CFAP74: variants seen among roughly 807,000 people sequenced by gnomAD.
CFAP74 encodes cilia- and flagella-associated protein 74.
Under a neutral mutation model 188.9 loss-of-function variants are expected in CFAP74, and 124 were observed. The observed-to-expected ratio is 0.66, with a 90% CI of 0.57 to 0.76. The LOEUF (loss-of-function observed/expected upper bound fraction) is 0.76. CFAP74 is among the 30% of genes least tolerant of loss of function. The pLI is 0.00. For missense variants in CFAP74, 2,198 were observed against 2,165.2 expected, an observed-to-expected ratio of 1.02 and a Z score of -0.30; for synonymous variants, 956 against 916.7, an observed-to-expected ratio of 1.04 and a Z score of -0.77.
chr1:1,929,680 G>C (rs1327718733), intron 26 of CFAP74, among the ~76,000 whole-genome samples: 1 of 151,838 alleles, frequency 6.6e-6, no homozygotes, highest in East Asian at 1.9e-4. Context: ...TGCTGGGTGG[G>C]AGTGGCCGAC....
rs545273927 is a variant in CFAP74, at chr1:1,986,945, C to T, written c.387G>A (p.Ala129=). 1.8e-5 allele frequency: 29 copies of T among 1,601,246 alleles called. No individual in the cohort carries two copies. The East Asian group carries it at 2.2e-4, about 12-fold the overall frequency. ...TGGCGAGGGCCACCTACATGTTGCC[C>T]GCCTCTTCCTCTGTGGCGATCTCGG... ...VAAEIATEEE[A]GNMAAVGRLQ... The change falls in exon 5 of 39, where the codon GCG becomes GCA. Residue 129 remains alanine, a synonymous_variant. Transcript: ENST00000682832.
chr1:1,971,079 A>G (rs1655970382), intron 9 of CFAP74, among the ~76,000 whole-genome samples: 1 of 149,896 alleles, frequency 6.7e-6, no homozygotes, highest in Admixed American at 6.6e-5. Context: ...ACACCTGCAC[A>G]CACTCATACA....
rs904345849 is a variant in CFAP74, at chr1:1,979,947, C to T, written c.500+5439G>A. On this transcript the variant is annotated intron_variant, in intron 6 of 38. Transcript: ENST00000682832. ...AGGCTGCGCAGAACACGCGTGTGAT[C>T]GCTCACGGCCTGCCTCCCACCACCG... is the stretch of plus-strand genomic sequence containing the variant. Among the ~76,000 whole-genome samples, 5 of 150,806 alleles carry T rather than the reference C, an allele frequency of 3.3e-5. 1 individual carries two copies. The highest frequency in any genetic ancestry group is 4.3e-4 in the South Asian group (2 of 4,608).
At position 1,927,595 on chromosome 1, in the gene CFAP74, T is replaced by C. The variant is rs571545650; in HGVS notation, c.3527+12A>G. 6.5e-7 allele frequency: 1 copy of C among 1,547,556 alleles called. No homozygotes were observed. The highest frequency in any genetic ancestry group is 1.2e-5 in the South Asian group (1 of 83,700). On this transcript the variant is annotated intron_variant, in intron 28 of 38. Coordinates refer to ENST00000682832, the MANE Select transcript of CFAP74 (RefSeq NM_001304360.2). ...GGAGGGAAGCAGGTGGGGCAGCCCC[T>C]CCTGGACCCACCTGGGCCTCAGCTC...
chr1:1,995,693 A>G (rs564882617), intron 1 of CFAP74, among the ~76,000 whole-genome samples: 1 of 151,802 alleles, frequency 6.6e-6, no homozygotes, highest in South Asian at 2.1e-4. Context: ...GTGGATCACG[A>G]GGTCAGGAGA....
In CFAP74 at chr1:1,975,211, C is replaced by T. The variant is rs979637584; in HGVS notation, c.501-1013G>A. On this transcript the variant is annotated intron_variant, in intron 6 of 38. Coordinates refer to ENST00000682832, the MANE Select transcript of CFAP74 (RefSeq NM_001304360.2). The surrounding 1 kb of genome is among the most constrained non-coding windows in gnomAD (Gnocchi z 4.5). ...TCCAGTCTCTCTCCCCACTGCAACA[C>T]CCGGGGCAGGGGTCCCACCGCCTTG... Among the ~76,000 whole-genome samples, 3 of 152,210 alleles carry T rather than the reference C, an allele frequency of 2.0e-5. No homozygotes were observed. The highest frequency in any genetic ancestry group is 6.5e-5 in the Admixed American group (1 of 15,284).
intron 32 of CFAP74, 68 bp from the exon 33 acceptor site, chr1:1,926,006 G>C: frequency 6.7e-7 from 1 of 1,489,992 alleles, no homozygotes; most frequent in Non-Finnish European, 9.0e-7. Context: ...CTCTGCCTCA[G>C]GGGCAGTGGG....
chr1:1,957,013 C>T (rs572068763), intron 16 of CFAP74, among the ~76,000 whole-genome samples: 2 of 152,366 alleles, frequency 1.3e-5, no homozygotes, highest in East Asian at 1.9e-4. Flanking sequence ...CCCCTCGCCA[C>T]GGAGTAACAA....
At position 1,930,241 on chromosome 1, in the gene CFAP74, G is replaced by A. The variant is rs759660777; in HGVS notation, c.3107C>T (p.Thr1036Ile). 2 of 1,535,640 alleles carry A rather than the reference G, an allele frequency of 1.3e-6. No homozygotes were observed. Among genetic ancestry groups the A allele is most frequent in the South Asian group, 1.2e-5 (1 of 84,070 alleles). The change falls in exon 26 of 39, where the codon ACC (threonine) becomes ATC (isoleucine). Residue 1036 changes from threonine (T) to isoleucine (I), a missense_variant. By Grantham distance (89) the Thr-to-Ile change is moderately conservative. Transcript: ENST00000682832. ...GATGACGTACACTGTAGCCACGGAGGTGTCGTATAGGGCCGTGGCGGCAAA... is the reference window on the plus strand; with the variant it reads ...GATGACGTACACTGTAGCCACGGAGATGTCGTATAGGGCCGTGGCGGCAAA... ...IKFAATALYD[T>I]SVATVYVINS... is the part of the protein sequence containing the mutation.
intron 20 of CFAP74, among the ~76,000 whole-genome samples, chr1:1,945,038 T>TG (rs1484503035): frequency 1.3e-5 from 2 of 152,188 alleles, no homozygotes; most frequent in Non-Finnish European, 1.5e-5. Context: ...CCGAGCACAG[T>TG]GGTTCACACT....
chr1:1,977,571 G>A (rs981724680), intron 6 of CFAP74, among the ~76,000 whole-genome samples: 17 of 151,412 alleles, frequency 1.1e-4, no homozygotes, highest in Admixed American at 2.6e-4. Context: ...GAAGAATGTA[G>A]CCAATCTACA....
At chr1:1,926,196 C>T (rs138492565) in intron 32 of CFAP74, 32 bp downstream of exon 32, 73 of 1,474,996 alleles carry the variant, frequency 4.9e-5, no homozygotes, top group Admixed American at 4.7e-4. Flanking sequence ...AGCCTTGGGC[C>T]GCAGTGTGGC....
intron 25 of CFAP74, among the ~76,000 whole-genome samples, chr1:1,934,901 G>A (rs1449344576): frequency 6.8e-6 from 1 of 146,684 alleles, no homozygotes; most frequent in Non-Finnish European, 1.5e-5. Flanking sequence ...AGGTACACAC[G>A]TGTGTACGTG....
At position 1,991,003 on chromosome 1, in the gene CFAP74, T is replaced by C. The variant is rs757951413; in HGVS notation, c.-19-28A>G. On this transcript the variant is annotated intron_variant, in intron 1 of 38. Transcript: ENST00000682832. ...GCAAAAGATGATCGCAAAATATAGA[T>C]CAATAAAATCATAGATTTAAAAGAC... is the stretch of plus-strand genomic sequence containing the variant. 123 of 1,405,178 alleles carry C rather than the reference T, an allele frequency of 8.8e-5. 1 individual carries two copies. Among genetic ancestry groups the C allele is most frequent in the Non-Finnish European group, 1.2e-4 (121 of 1,014,058 alleles). The allele number at this position is 1,405,178 out of a possible 1,614,324, so 87.0% of individuals were successfully genotyped here.
intron 1 of CFAP74, among the ~76,000 whole-genome samples, chr1:1,999,744 G>A (rs1658102877): frequency 6.6e-6 from 1 of 152,140 alleles, no homozygotes; most frequent in Non-Finnish European, 1.5e-5. Flanking sequence ...TTGAACCTGG[G>A]AGGAGGAGGT....
At chr1:1,998,519 T>C (rs971104691) in intron 1 of CFAP74, among the ~76,000 whole-genome samples, 28 of 152,200 alleles carry the variant, frequency 1.8e-4, no homozygotes, top group Non-Finnish European at 4.4e-5. Context: ...CTTCGTATTA[T>C]CATTCTCTTT....
chr1:1,970,896 C>T (rs1180441179), intron 9 of CFAP74, 80 bp from the exon 10 acceptor site: 1 of 1,545,960 alleles, frequency 6.5e-7, no homozygotes, highest in Non-Finnish European at 8.8e-7. Flanking sequence ...CATGTGCACA[C>T]ACAGGTTCAT....
intron 22 of CFAP74, 63 bp downstream of exon 22, chr1:1,941,965 A>C (rs1653406052): frequency 7.2e-7 from 1 of 1,395,284 alleles, no homozygotes; most frequent in African/African-American, 1.4e-5. Context: ...AGTGGCGAGG[A>C]GCGCCTCGGA....
At chr1:1,940,480 T>C (rs1653292088) in intron 22 of CFAP74, 77 bp from the exon 23 acceptor site, 1 of 981,092 alleles carries the variant, frequency 1.0e-6, no homozygotes, top group African/African-American at 1.7e-5. Context: ...CTGTCACTGG[T>C]GCTTCTACAT....
Sources: gnomAD v4.1 joint callset for allele counts (sites outside exome capture counted in the v4.1 genomes callset) on GRCh38, gnomAD v4.1.1 for gene constraint, Gnocchi (gnomAD v3.1) non-coding constraint, MANE v1.5 for transcripts, NCBI Gene and HGNC (gene_info 2026-07-23, HGNC 2026-07-21) for gene names.